The following NDRG2 variants were observed in gnomAD, a reference collection of about 807,000 sequenced individuals.
NDRG2 encodes the protein protein NDRG2.
A neutral mutation model predicts 58.2 loss-of-function variants in NDRG2; 34 were observed. That is an observed-to-expected ratio of 0.58 (90% CI 0.44 to 0.78). The LOEUF (loss-of-function observed/expected upper bound fraction) is 0.78. Ranked by LOEUF, NDRG2 falls within the 30% of genes least tolerant of loss-of-function variation. The pLI is 0.00. For missense variants in NDRG2, 434 were observed against 471.2 expected (o/e 0.92, Z 0.73); for synonymous variants, 187 against 175.9 (o/e 1.06, Z -0.50).
chr14:21,031,950 C>T (rs770329926), intron 1 of NDRG2: 12 of 1,614,136 alleles, frequency 7.4e-6, no homozygotes, highest in Non-Finnish European at 1.0e-5. Context: ...TACACCGGCA[C>T]CCACAAGGAG....
Position 21,043,188 on chromosome 14 carries a change from A to G in NDRG2, c.25-19867T>C, listed in dbSNP as rs1396363739. ...CATTAACAAGCACACAAAACGGTGC[A>G]AAGACCTCAACACCTTCCTGCACGA... is the stretch of plus-strand genomic sequence containing the variant. On this transcript the variant is annotated intron_variant, in intron 1 of 14. Coordinates refer to the NDRG2 transcript ENST00000403829. The G allele has an allele frequency of 1.9e-6, 3 of 1,614,108 alleles. No individual in the cohort carries two copies. The African/African-American group carries it at 4.0e-5, about 22-fold the overall frequency.
intron 8 of NDRG2, chr14:21,020,267 C>CT: frequency 1.8e-6 from 1 of 542,420 alleles, no homozygotes; most frequent in East Asian, 3.1e-5. Flanking sequence ...GCACTCCAGC[C>CT]TTGGCAACAG....
At chr14:21,048,058 T>C (rs1566499996) in intron 1 of NDRG2, among the ~76,000 whole-genome samples, 1 of 152,070 alleles carries the variant, frequency 6.6e-6, no homozygotes, top group Non-Finnish European at 1.5e-5. Flanking sequence ...AACATACCAG[T>C]AGCAACAACA....
Position 21,021,952 on chromosome 14 carries a change from T to C in NDRG2, c.345-73A>G, listed in dbSNP as rs35646399. ...CCCCCACCTCAGGATGTCCTACTCA[T>C]TCTCTCCCAGAATAACCACTGCCCT... On this transcript the variant is annotated intron_variant, in intron 5 of 15. Coordinates refer to ENST00000556147, the MANE Select transcript of NDRG2 (RefSeq NM_001320329.2). 3.7e-3 allele frequency: 6,034 copies of C among 1,611,870 alleles called. 189 individuals are homozygous for C. In the African/African-American group the frequency reaches 0.065, roughly 17 times the overall value.
At chr14:21,018,967 A>G in intron 11 of NDRG2, 149 bp downstream of exon 11, 1 of 1,256,464 alleles carries the variant, frequency 8.0e-7, no homozygotes, top group Non-Finnish European at 1.1e-6. Context: ...TCAAAGGGGG[A>G]AGACCTAGAG....
chr14:21,024,094 G>A lies in NDRG2; in HGVS notation c.-71C>T. The stretch of plus-strand genomic sequence containing the variant: ...GGGTTCTCACTCCTTCTGACTCTGG[G>A]GTCTGAGAAAACACAGCAACGAGGT... On this transcript the variant is annotated 5_prime_UTR_variant, in exon 1 of 16. Transcript: ENST00000556147. 2.0e-6 allele frequency: 2 copies of A among 985,426 alleles called. No individual in the cohort carries two copies. The highest frequency in any genetic ancestry group is 2.4e-6 in the Non-Finnish European group (2 of 829,972). The allele number at this position is 985,426 out of a possible 1,614,324, so 61.0% of individuals were successfully genotyped here. A position where few individuals can be genotyped will look rare whatever the true frequency, so the allele number is the denominator to read the frequency against.
At chr14:21,025,739 C>T, upstream of NDRG2, 1 of 911,448 alleles carries the variant, frequency 1.1e-6, no homozygotes, top group Non-Finnish European at 1.3e-6. The surrounding 1 kb of genome is among the most constrained non-coding windows in gnomAD (Gnocchi z 5.1). Flanking sequence ...AGTTGGACAA[C>T]AAGGCGGGGA....
chr14:21,035,823 A>G (rs963077031), intron 1 of NDRG2: 3 of 456,154 alleles, frequency 6.6e-6, no homozygotes, highest in African/African-American at 6.0e-5. Context: ...AAGAAACCTG[A>G]AAGTGATCCT....
At chr14:21,039,011 A>C (rs1448418059) in intron 1 of NDRG2, among the ~76,000 whole-genome samples, 3 of 152,210 alleles carry the variant, frequency 2.0e-5, no homozygotes, top group African/African-American at 7.2e-5. Context: ...AGGACCAACA[A>C]AATTAGGATA....
chr14:21,033,757 A>G (rs1250676762), intron 1 of NDRG2: 3 of 1,106,276 alleles, frequency 2.7e-6, no homozygotes, highest in Non-Finnish European at 2.8e-6. Flanking sequence ...TACAGGGATC[A>G]GAGTGTTGGA....
At position 21,017,131 on chromosome 14, in the gene NDRG2, C is replaced by T. The variant is rs746304033; in HGVS notation, c.*465G>A. 14 of 413,444 alleles carry T rather than the reference C, an allele frequency of 3.4e-5. No homozygotes were observed. Among genetic ancestry groups the T allele is most frequent in the Non-Finnish European group, 5.4e-5 (11 of 202,736 alleles). 25.6% of individuals were successfully genotyped at this position (413,444 alleles called of 1,614,324 possible). A position where few individuals can be genotyped will look rare whatever the true frequency, so the allele number is the denominator to read the frequency against. ...CAAGTCTCCCCCTGACACACATTCA[C>T]GTAGGTCCATACCCTTCAGAGTCCT... On this transcript the variant is annotated 3_prime_UTR_variant, in exon 16 of 16. Coordinates refer to ENST00000556147, the MANE Select transcript of NDRG2 (RefSeq NM_001320329.2).
At position 21,018,850 on chromosome 14, in the gene NDRG2, C is replaced by A. The variant is rs766968681; in HGVS notation, c.762-36G>T. ...AGTGTTGGGGAGAAGGCAGTGAGCC[C>A]CTGGCACTCCCTCACTGGCCTCTGC... On this transcript the variant is annotated intron_variant, in intron 11 of 15. Coordinates refer to ENST00000556147, the MANE Select transcript of NDRG2 (RefSeq NM_001320329.2). The A allele has an allele frequency of 1.9e-5, 31 of 1,612,848 alleles. No individual in the cohort carries two copies. The South Asian group carries it at 3.0e-4, about 15-fold the overall frequency.
In NDRG2 at chr14:21,024,352, G is replaced by A. The variant is rs1349532472; in HGVS notation, c.-329C>T. 2.1e-6 allele frequency: 2 copies of A among 971,584 alleles called. No homozygotes were observed. Among genetic ancestry groups the A allele is most frequent in the Non-Finnish European group, 2.4e-6 (2 of 817,298 alleles). The allele number at this position is 971,584 out of a possible 1,614,324, so 60.2% of individuals were successfully genotyped here. ...GGAAGTGCTGATGTGGAGGTAAGAG[G>A]GTGGCCCTGTCAGAACCTCCGGATT... On this transcript the variant is annotated 5_prime_UTR_variant, in exon 1 of 16. Transcript: ENST00000556147.
chr14:21,025,308 C>T (rs757260151), upstream of NDRG2: 36 of 963,046 alleles, frequency 3.7e-5, no homozygotes, highest in Non-Finnish European at 4.2e-5. The surrounding 1 kb of genome is among the most constrained non-coding windows in gnomAD (Gnocchi z 5.1). Flanking sequence ...ACCCCCTCCC[C>T]GCATTGGGGC....
intron 1 of NDRG2, among the ~76,000 whole-genome samples, chr14:21,049,376 T>C (rs1194315090): frequency 2.6e-5 from 4 of 152,200 alleles, no homozygotes; most frequent in African/African-American, 4.8e-5. Flanking sequence ...CAGAAAAACA[T>C]TGTGGTCATT....
chr14:21,032,978 G>T (rs764642091), intron 1 of NDRG2: 1 of 456,122 alleles, frequency 2.2e-6, no homozygotes, highest in Non-Finnish European at 4.4e-6. Flanking sequence ...ATTAGAGCCG[G>T]GCCTGCCTCA....
upstream of NDRG2, chr14:21,030,772 T>C (rs765371386): frequency 2.5e-6 from 4 of 1,611,766 alleles, no homozygotes; most frequent in Non-Finnish European, 3.4e-6. Flanking sequence ...GCCAAAAATA[T>C]GGAGGTGGGG....
At chr14:21,031,761 A>G (rs1185062811) in intron 1 of NDRG2, 2 of 1,019,652 alleles carry the variant, frequency 2.0e-6, no homozygotes, top group Admixed American at 5.3e-5. Context: ...GGCCCTAAGA[A>G]AGCAGCACCC....
chr14:21,036,730 G>A (rs550563832), intron 1 of NDRG2, among the ~76,000 whole-genome samples: 26 of 152,162 alleles, frequency 1.7e-4, no homozygotes, highest in African/African-American at 5.3e-4. Context: ...ACCGTTCCTC[G>A]CCCCCATCTA....
Sources: gnomAD v4.1 joint callset for allele counts (sites outside exome capture counted in the v4.1 genomes callset) on GRCh38, gnomAD v4.1.1 for gene constraint, Gnocchi (gnomAD v3.1) non-coding constraint, MANE v1.5 for transcripts, NCBI Gene and HGNC (gene_info 2026-07-23, HGNC 2026-07-21) for gene names.